Variants in HAUS7 observed in about 807,000 individuals in gnomAD.
The protein encoded by HAUS7 is HAUS augmin-like complex subunit 7.
HAUS7 carries 3 observed loss-of-function variants against 28.4 expected under a neutral mutation model. The observed-to-expected ratio is 0.11, with a 90% CI of 0.05 to 0.27. HAUS7 has a LOEUF of 0.27. HAUS7 is among the 10% of genes least tolerant of loss of function. The pLI is 1.00. For missense variants in HAUS7, 284 were observed against 297.3 expected, an observed-to-expected ratio of 0.96 and a Z score of 0.33; for synonymous variants, 165 against 132.1, an observed-to-expected ratio of 1.25 and a Z score of -1.71.
intron 1 of HAUS7, among the ~76,000 whole-genome samples, chrX:153,491,297 C>G (rs2089669629): frequency 8.9e-6 from 1 of 112,473 alleles, no homozygotes; most frequent in Admixed American, 9.3e-5. Context: ...CAAATGGGAC[C>G]AGAGAGCTCA....
chrX:153,470,313 GCAAGGGAACAGGGCGCAGC>G, intron 1 of HAUS7, 118 bp downstream of exon 1: 1 of 576,582 alleles, frequency 1.7e-6, no homozygotes, highest in Non-Finnish European at 2.8e-6. Flanking sequence ...ACCCCCTGCT[GCAAGGGAACAGGGCGCAGC>G]CGGAACCGGC....
intron 2 of HAUS7, among the ~76,000 whole-genome samples, chrX:153,468,888 AG>A (rs2089486142): frequency 8.8e-6 from 1 of 113,132 alleles, no homozygotes; most frequent in South Asian, 3.6e-4. Flanking sequence ...GCAAACGCTG[AG>A]GGCAAGTTCA....
At chrX:153,457,365 C>G (rs1373144422) in intron 4 of HAUS7, 137 bp from the exon 5 acceptor site, 24 of 463,637 alleles carry the variant, frequency 5.2e-5, no homozygotes, top group Middle Eastern at 4.4e-4. Flanking sequence ...ATCAACGACC[C>G]TGTGCCTGCC....
At chrX:153,470,930 G>A (rs2089517969), upstream of HAUS7, 1 of 341,210 alleles carries the variant, frequency 2.9e-6, no homozygotes, top group Non-Finnish European at 5.7e-6. Flanking sequence ...CCTTGCTGGC[G>A]TCGCCCCTGC....
At chrX:153,482,859 C>A in intron 1 of HAUS7, 3 of 485,830 alleles carry the variant, frequency 6.2e-6, no homozygotes, top group Non-Finnish European at 7.6e-6. Flanking sequence ...CGCGGCCTGC[C>A]GTCCTCCCTG....
chrX:153,493,802 C>A (rs1306775216), intron 1 of HAUS7, among the ~76,000 whole-genome samples: 1 of 111,637 alleles, frequency 9.0e-6, no homozygotes, highest in East Asian at 2.8e-4. Flanking sequence ...TGGGACCTCC[C>A]AGACCCCACC....
In HAUS7 at chrX:153,465,067, C is replaced by G. The variant is rs1556984073; in HGVS notation, c.225-12G>C. The G allele has an allele frequency of 8.6e-7, 1 of 1,163,157 alleles. No individual in the cohort carries two copies. The highest frequency in any genetic ancestry group is 1.8e-5 in the South Asian group (1 of 55,798). The stretch of plus-strand genomic sequence containing the variant: ...GTGAGGGCCAGACCCTGCAGGGAAA[C>G]AGCAGAGCTGGTCAGGCCGGAGACA... On this transcript the variant is annotated splice_polypyrimidine_tract_variant and intron_variant, in intron 2 of 9. Transcript: ENST00000370211.
intron 1 of HAUS7, chrX:153,495,235 C>T (rs2089702614): frequency 9.0e-6 from 1 of 111,635 alleles, no homozygotes. Context: ...CAGATTTCCC[C>T]GGTGCTCTCT....
At chrX:153,456,433 C>A in intron 6 of HAUS7, 60 bp downstream of exon 6, 1 of 1,177,126 alleles carries the variant, frequency 8.5e-7, no homozygotes, top group East Asian at 3.0e-5. Context: ...CAGAACCAAG[C>A]AGCCTGGGGC....
At chrX:153,485,743 T>C in intron 1 of HAUS7, 1 of 820,796 alleles carries the variant, frequency 1.2e-6, no homozygotes. Context: ...GTCAGCTCCC[T>C]CTGCCCCTGT....
intron 1 of HAUS7, among the ~76,000 whole-genome samples, chrX:153,491,495 T>G (rs2089670840): frequency 8.9e-6 from 1 of 112,134 alleles, no homozygotes; most frequent in Admixed American, 9.3e-5. Flanking sequence ...CCTCCCCTCC[T>G]CCCAGCCCCC....
intron 1 of HAUS7, chrX:153,486,869 G>T (rs2089642449): frequency 1.1e-5 from 10 of 919,577 alleles, no homozygotes; most frequent in South Asian, 2.2e-5. Flanking sequence ...GGAGGGGCAG[G>T]CTGAGGTGTG....
chrX:153,454,293 G>A (rs2089273953), intron 9 of HAUS7, 101 bp downstream of exon 9: 1 of 501,157 alleles, frequency 2.0e-6, no homozygotes, highest in African/African-American at 2.4e-5. Context: ...ACAAAAGAAG[G>A]GGCCGGTCCC....
At chrX:153,481,229 T>TCCCAGTAACCTGTCGCTCCAA in intron 1 of HAUS7, 2 of 505,152 alleles carry the variant, frequency 4.0e-6, no homozygotes, top group Non-Finnish European at 4.8e-6. Flanking sequence ...AGGGGAGGGG[T>TCCCAGTAACCTGTCGCTCCAA]CCCAGTAACC....
intron 2 of HAUS7, among the ~76,000 whole-genome samples, chrX:153,467,272 C>A (rs2089465284): frequency 8.9e-6 from 1 of 112,084 alleles, no homozygotes; most frequent in Non-Finnish European, 1.9e-5. Flanking sequence ...AGGGCTCCTT[C>A]TGTCTTTCCC....
At chrX:153,472,929 G>A (rs2089538829), upstream of HAUS7, among the ~76,000 whole-genome samples, 1 of 111,326 alleles carries the variant, frequency 9.0e-6, no homozygotes, top group African/African-American at 3.3e-5. Context: ...GGTCATGGAG[G>A]AAAGTTGGCC....
intron 2 of HAUS7, among the ~76,000 whole-genome samples, chrX:153,466,288 C>G (rs1210224653): frequency 8.9e-6 from 1 of 112,659 alleles, no homozygotes; most frequent in Non-Finnish European, 1.9e-5. Context: ...TGTGCAAGGG[C>G]GGGCACAGTA....
At chrX:153,460,985 G>A (rs1233899833) in intron 4 of HAUS7, among the ~76,000 whole-genome samples, 5 of 112,465 alleles carry the variant, frequency 4.4e-5, no homozygotes, top group Non-Finnish European at 9.4e-5. Context: ...GTGCACAAGT[G>A]GATCTGATCT....
Position 153,486,062 on chromosome X carries a change from C to T in HAUS7, c.-589+9312G>A, listed in dbSNP as rs1303605514. On this transcript the variant is annotated intron_variant, in intron 1 of 5. Transcript: ENST00000370210. ...ACGCGGCCTCCTGGGCCTCAAGGGA[C>T]TGCAGGTGCTGGGCCTGAGCCACAA... The T allele has an allele frequency of 4.2e-6, 4 of 959,425 alleles. No individual in the cohort carries two copies. In the African/African-American group the frequency reaches 8.0e-5, roughly 19 times the overall value. 79.1% of individuals were successfully genotyped at this position (959,425 alleles called of 1,213,427 possible).
Sources: gnomAD v4.1 joint callset for allele counts (sites outside exome capture counted in the v4.1 genomes callset) on GRCh38, gnomAD v4.1.1 for gene constraint, MANE v1.5 for transcripts, NCBI Gene and HGNC (gene_info 2026-07-23, HGNC 2026-07-21) for gene names.